SNX19: variants seen among roughly 807,000 people sequenced by gnomAD.
The protein encoded by SNX19 is sorting nexin-19.
In SNX19, 60 loss-of-function variants were observed where a neutral mutation model predicts 85.2. The observed-to-expected ratio is 0.70, with a 90% CI of 0.57 to 0.87. The LOEUF (loss-of-function observed/expected upper bound fraction) is 0.87, where lower values mean the gene tolerates loss of function less well. Ranked by LOEUF, SNX19 falls within the 40% of genes least tolerant of loss-of-function variation. The pLI is 0.00. For missense variants in SNX19, 1,201 were observed against 1,217.8 expected (o/e 0.99, Z 0.21); for synonymous variants, 520 against 470.0 (o/e 1.11, Z -1.38).
In SNX19 at chr11:130,910,318, G is replaced by C. The variant is rs781720446; in HGVS notation, c.1866C>G (p.Asp622Glu). ...LFPDLPLGNM[D>E]SDRVEARKSL... ...TCTTACGGGCTTCTACTCTGTCACT[G>C]TCCATGTTTCCCAATGGAAGATCTG... Residue 622 changes from aspartate to glutamate, a missense_variant, in exon 3 of 11, where the codon GAC becomes GAG. By Grantham distance (45) the Asp-to-Glu change is conservative (BLOSUM62 2). Around this residue, in one of 3 missense-constraint regions of SNX19, gnomAD observed 125 missense variants for 171.6 expected, o/e 0.73. Transcript: ENST00000265909. 1 of 1,612,204 alleles carries C rather than the reference G, an allele frequency of 6.2e-7. No individual in the cohort carries two copies. The highest frequency in any genetic ancestry group is 8.5e-7 in the Non-Finnish European group (1 of 1,179,702).
chr11:130,895,099 G>C (rs1021626846), intron 8 of SNX19: 2 of 985,360 alleles, frequency 2.0e-6, no homozygotes, highest in African/African-American at 3.5e-5. Flanking sequence ...CTTCCAGAGA[G>C]GGCAGGCTCG....
At position 130,880,624 on chromosome 11, in the gene SNX19, G is replaced by A. The variant is rs1295036269; in HGVS notation, c.2756C>T (p.Pro919Leu). Reference sequence around the variant, plus strand: ...ATTGATCTCATTGGTCCAATTACCTGGGAGGACTCCCATCAGGCTCTGCAA... The same window carrying A: ...ATTGATCTCATTGGTCCAATTACCTAGGAGGACTCCCATCAGGCTCTGCAA... ...QALQSLMGVLPDLVVEILGVN... is the reference protein window; with the variant it reads ...QALQSLMGVLLDLVVEILGVN... Residue 919 changes from proline (P) to leucine (L), a missense_variant and splice_region_variant, in exon 9 of 11, where the codon CCA (proline) becomes CTA (leucine). Physicochemically the swap from Pro to Leu is moderately conservative, Grantham distance 98. Transcript: ENST00000265909. 1.3e-6 allele frequency: 2 copies of A among 1,589,424 alleles called. No homozygotes were observed. Among genetic ancestry groups the A allele is most frequent in the Non-Finnish European group, 1.7e-6 (2 of 1,160,600 alleles).
chr11:130,899,382 TATC>T (rs1206260345), intron 8 of SNX19, among the ~76,000 whole-genome samples: 1 of 152,194 alleles, frequency 6.6e-6, no homozygotes, highest in Admixed American at 6.5e-5. Flanking sequence ...TTTCTTTAGA[TATC>T]ATGACTTCTA....
Position 130,903,371 on chromosome 11 carries a change from CTCTG to C in SNX19, c.2453_2456del (p.Thr818SerfsTer2), listed in dbSNP as rs1381690289. ...GCAGATCCAGGGCTGTGTCAGCTAA[CTCTG>C]TCTCTGTTCCTGAGGGATAAAATGG... On this transcript the variant is annotated frameshift_variant, in exon 8 of 11. Coordinates refer to ENST00000265909, the MANE Select transcript of SNX19 (RefSeq NM_014758.3). LOFTEE classifies it high-confidence loss of function. The C allele has an allele frequency of 6.2e-7, 1 of 1,612,364 alleles. No homozygotes were observed. The highest frequency in any genetic ancestry group is 1.1e-5 in the South Asian group (1 of 90,986).
rs141357975 is a variant in SNX19 at position 130,887,351 on chromosome 11, A to G, written c.2574-6545T>C. Among the ~76,000 whole-genome samples, 572 of 152,356 alleles carry G rather than the reference A, an allele frequency of 3.8e-3. 1 individual carries two copies. The highest frequency in any genetic ancestry group is 7.1e-3 in the Admixed American group (109 of 15,302). On this transcript the variant is annotated intron_variant, in intron 8 of 10. Coordinates refer to ENST00000265909, the MANE Select transcript of SNX19 (RefSeq NM_014758.3). ...TACATATGAAAGCATTGGGCACCAA[A>G]AGGAAATATTTTACATCAAGTGGCT...
In SNX19 at chr11:130,882,255, C is replaced by CA. The variant is rs1450635223; in HGVS notation, c.2574-1450dup. ...GCTGTGTGGGTCATGGATGGACAATCAACCACTTCTATTCATGCACGGAAG... is the reference window on the plus strand; with the variant it reads ...GCTGTGTGGGTCATGGATGGACAATCAAACCACTTCTATTCATGCACGGAAG... On this transcript the variant is annotated intron_variant, in intron 8 of 10. Transcript: ENST00000265909. Among the ~76,000 whole-genome samples the CA allele has an allele frequency of 3.3e-5, 5 of 152,334 alleles. No individual in the cohort carries two copies. The South Asian group carries it at 8.3e-4, about 25-fold the overall frequency.
chr11:130,913,048 T>C (rs1345675574), intron 1 of SNX19, among the ~76,000 whole-genome samples: 3 of 152,136 alleles, frequency 2.0e-5, no homozygotes, highest in Non-Finnish European at 4.4e-5. Context: ...CAGTAGCAGA[T>C]GTCAAAATCT....
At position 130,914,702 on chromosome 11, in the gene SNX19, G is replaced by A. The variant is rs762379633; in HGVS notation, c.1238C>T (p.Pro413Leu). Residue 413 changes from proline to leucine, a missense_variant, in exon 1 of 11, where the codon CCC becomes CTC. By Grantham distance (98) the Pro-to-Leu change is moderately conservative (BLOSUM62 -3). Around this residue, in one of 3 missense-constraint regions of SNX19, gnomAD observed 791 missense variants for 750.9 expected, o/e 1.05. Coordinates refer to ENST00000265909, the MANE Select transcript of SNX19 (RefSeq NM_014758.3). ...TCCTTCAGATGCCTCACCATCTTTG[G>A]GTTCCAGAGCCTGGGAACTCTCTAG... The part of the protein sequence containing the change: ...CALESSQALE[P>L]KDGEASEGAE... 5.0e-6 allele frequency: 8 copies of A among 1,613,904 alleles called. No individual in the cohort carries two copies.
In SNX19 at chr11:130,914,790, T is replaced by C. The variant is rs368116260; in HGVS notation, c.1150A>G (p.Thr384Ala). The change falls in exon 1 of 11, where the codon ACC (threonine) becomes GCC (alanine). Residue 384 changes from threonine to alanine, a missense_variant. Transcript: ENST00000265909. ...ESPLSELGKE[T>A]IMLMTPGSFL... ...CTGCCTGGAGTCATGAGCATGATGG[T>C]TTCTTTGCCCAGTTCAGACAGCGGA... 4.3e-6 allele frequency: 7 copies of C among 1,614,114 alleles called. No homozygotes were observed. In the African/African-American group the frequency reaches 9.3e-5, roughly 22 times the overall value.
chr11:130,878,852 T>A (rs912770412), intron 10 of SNX19, among the ~76,000 whole-genome samples: 2 of 152,246 alleles, frequency 1.3e-5, no homozygotes, highest in African/African-American at 4.8e-5. Context: ...ATCCTTGAGA[T>A]GTCAGGTTAC....
chr11:130,881,799 C>T (rs1288621006), intron 8 of SNX19, among the ~76,000 whole-genome samples: 2 of 152,196 alleles, frequency 1.3e-5, no homozygotes, highest in Non-Finnish European at 2.9e-5. Context: ...TCTCCATAGA[C>T]CTCCTTTGGC....
Position 130,867,441 on chromosome 11 carries a change from G to A in SNX19, c.*10981C>T, listed in dbSNP as rs1461535491. 6.6e-6 allele frequency: 1 copy of A among 152,182 alleles called. No homozygotes were observed. Among genetic ancestry groups the A allele is most frequent in the Non-Finnish European group, 1.5e-5 (1 of 68,050 alleles). The allele number at this position is 152,182 out of a possible 1,614,324, so 9.4% of individuals were successfully genotyped here. A position where few individuals can be genotyped will look rare whatever the true frequency, so the allele number is the denominator to read the frequency against. ...GGGAAAAGCTAACTGGCGGTGAGCAGGCTCTTGGACTCCATGAAAATTTAA... is the reference window on the plus strand; with the variant it reads ...GGGAAAAGCTAACTGGCGGTGAGCAAGCTCTTGGACTCCATGAAAATTTAA... On this transcript the variant is annotated 3_prime_UTR_variant, in exon 11 of 11. Coordinates refer to ENST00000265909, the MANE Select transcript of SNX19 (RefSeq NM_014758.3).
rs1023198086 is a variant in SNX19 at position 130,880,415 on chromosome 11, T to C, written c.2758+207A>G. Among the ~76,000 whole-genome samples the C allele has an allele frequency of 1.1e-4, 16 of 152,334 alleles. 1 individual carries two copies. The highest frequency in any genetic ancestry group is 6.8e-3 in the Middle Eastern group (2 of 294). On this transcript the variant is annotated intron_variant, in intron 9 of 10. Coordinates refer to ENST00000265909, the MANE Select transcript of SNX19 (RefSeq NM_014758.3). ...GGTGCAGCTGTAGAGTTCCTTTCCA[T>C]TCCCTTGGCATCAGCTGAGCAATGG... is the stretch of plus-strand genomic sequence containing the variant.
rs1397235797 is a variant in SNX19, at chr11:130,872,442, T to A, written c.*5980A>T. ...TGTTTCACGCTTGACAATTAAAACA[T>A]TCTTCTGGATTTCCTTTTTTTTTTT... On this transcript the variant is annotated 3_prime_UTR_variant, in exon 11 of 11. Transcript: ENST00000265909. 6.6e-6 allele frequency among the ~76,000 whole-genome samples: 1 copy of A among 152,150 alleles called. No individual in the cohort carries two copies. The highest frequency in any genetic ancestry group is 1.5e-5 in the Non-Finnish European group (1 of 68,022).
rs1287246651 is a variant in SNX19, at chr11:130,876,682, T to C, written c.*1740A>G. 7 of 152,724 alleles carry C rather than the reference T, an allele frequency of 4.6e-5. No individual in the cohort carries two copies. In the East Asian group the frequency reaches 9.7e-4, roughly 21 times the overall value. The allele number at this position is 152,724 out of a possible 1,614,324, so 9.5% of individuals were successfully genotyped here. A position where few individuals can be genotyped will look rare whatever the true frequency, so the allele number is the denominator to read the frequency against. ...TCGAGAATAGGATCTTAGCCCTCAC[T>C]GAAGGAGCTTAATGATCAGCTCTAA... On this transcript the variant is annotated 3_prime_UTR_variant, in exon 11 of 11. Transcript: ENST00000265909.
rs1775701762 is a variant in SNX19, at chr11:130,876,049, C to T, written c.*2373G>A. The T allele has an allele frequency of 2.6e-5, 4 of 152,180 alleles. No homozygotes were observed. In the South Asian group the frequency reaches 6.2e-4, roughly 24 times the overall value. 9.4% of individuals were successfully genotyped at this position (152,180 alleles called of 1,614,324 possible). On this transcript the variant is annotated 3_prime_UTR_variant, in exon 11 of 11. Transcript: ENST00000265909. ...CAGAAAGAACACAGCATCCCTGCCT[C>T]GTCTTTTTTATAGATAGTAAGAAAA... is the stretch of plus-strand genomic sequence containing the variant.
At chr11:130,906,211 C>A in intron 6 of SNX19, 78 bp from the exon 7 acceptor site, 1 of 1,443,226 alleles carries the variant, frequency 6.9e-7, no homozygotes, top group Non-Finnish European at 9.4e-7. Context: ...GGTTTCCCTG[C>A]CTCTCCCCTG....
chr11:130,898,840 TCTA>T (rs1945058945), intron 8 of SNX19, among the ~76,000 whole-genome samples: 1 of 152,032 alleles, frequency 6.6e-6, no homozygotes, highest in Non-Finnish European at 1.5e-5. Context: ...CAGTTTGGAT[TCTA>T]CAAACTGCCT....
intron 8 of SNX19, among the ~76,000 whole-genome samples, chr11:130,895,311 C>T (rs1944803781): frequency 1.3e-5 from 2 of 152,202 alleles, no homozygotes; most frequent in Admixed American, 6.5e-5. Context: ...ACTCAGTTTC[C>T]ATTTTGCTTC....
Sources: allele counts gnomAD v4.1 joint callset (sites outside exome capture counted in the v4.1 genomes callset), GRCh38; gene constraint gnomAD v4.1.1; regional missense constraint gnomAD v4.1.1; transcripts MANE v1.5; gene names NCBI Gene and HGNC (gene_info 2026-07-23, HGNC 2026-07-21).